The following OR52N2 variants were observed in gnomAD, a reference collection of about 807,000 sequenced individuals.
OR52N2 encodes the protein olfactory receptor 52N2.
For missense variants in OR52N2, 326 were observed against 196.6 expected (o/e 1.66, Z -3.94); for synonymous variants, 129 against 72.0 (o/e 1.79, Z -4.01).
chr11:5,816,256 T>C (rs915660809), intron 1 of OR52N2, among the ~76,000 whole-genome samples: 10 of 152,276 alleles, frequency 6.6e-5, no homozygotes, highest in Non-Finnish European at 1.3e-4. Flanking sequence ...AGAGTGGTGA[T>C]GGCTGCAAAA....
rs997217290 is a variant in OR52N2 at position 5,821,190 on chromosome 11, A to C, written c.855A>C (p.Leu285=). The C allele has an allele frequency of 1.2e-5, 9 of 781,036 alleles. No homozygotes were observed. The highest frequency in any genetic ancestry group is 1.9e-5 in the Non-Finnish European group (8 of 418,120). The allele number at this position is 781,036 out of a possible 1,614,324, so 48.4% of individuals were successfully genotyped here. ...IHIIVANLYL[L]LPPTMNPIVY... is the part of the protein sequence containing the mutation. ...TCATCGTGGCCAACCTTTATCTGCT[A>C]CTGCCTCCTACCATGAACCCAATTG... Residue 285 remains leucine, a synonymous_variant, in exon 2 of 2, where the codon CTA becomes CTC. Transcript: ENST00000317037.
At chr11:5,810,101 T>C (rs1390931148) in intron 1 of OR52N2, among the ~76,000 whole-genome samples, 1 of 152,194 alleles carries the variant, frequency 6.6e-6, no homozygotes, top group African/African-American at 2.4e-5. Flanking sequence ...ATGGGTGAGC[T>C]ATATGCTGAG....
chr11:5,810,954 T>A (rs529458378), intron 1 of OR52N2, among the ~76,000 whole-genome samples: 6 of 152,020 alleles, frequency 3.9e-5, no homozygotes, highest in Non-Finnish European at 8.8e-5. Flanking sequence ...AAAAGCTTTC[T>A]ACTTGGAGAT....
Position 5,808,963 on chromosome 11 carries a change from TGA to T in OR52N2, c.-142_-141del, listed in dbSNP as rs147490164. Among the ~76,000 whole-genome samples, 2,460 of 152,138 alleles carry T rather than the reference TGA, an allele frequency of 0.016. 58 individuals are homozygous for T. Among genetic ancestry groups the T allele is most frequent in the African/African-American group, 0.055 (2,276 of 41,508 alleles). ...TGCAAGCCTCTCCTCCTCGCGTTGC[TGA>T]GAGTCCGAGTTTATTCATCACAATG... On this transcript the variant is annotated 5_prime_UTR_variant, in exon 1 of 2. Coordinates refer to ENST00000317037, the MANE Select transcript of OR52N2 (RefSeq NM_001005174.3).
intron 1 of OR52N2, among the ~76,000 whole-genome samples, chr11:5,819,789 T>G (rs914770429): frequency 6.6e-6 from 1 of 152,196 alleles, no homozygotes; most frequent in Non-Finnish European, 1.5e-5. Context: ...AAGCATTTTT[T>G]GTTATCAAGG....
intron 1 of OR52N2, among the ~76,000 whole-genome samples, chr11:5,814,844 A>G (rs1344872813): frequency 6.6e-6 from 1 of 152,208 alleles, no homozygotes; most frequent in Non-Finnish European, 1.5e-5. Context: ...CAGTAAACCA[A>G]AACAGTGTGG....
Position 5,820,849 on chromosome 11 carries a change from C to T in OR52N2, c.514C>T (p.Arg172Trp), listed in dbSNP as rs776697248. 33 of 780,678 alleles carry T rather than the reference C, an allele frequency of 4.2e-5. No individual in the cohort carries two copies. Among genetic ancestry groups the T allele is most frequent in the Non-Finnish European group, 6.0e-5 (25 of 418,076 alleles). The allele number at this position is 780,678 out of a possible 1,614,324, so 48.4% of individuals were successfully genotyped here. A position where few individuals can be genotyped will look rare whatever the true frequency, so the allele number is the denominator to read the frequency against. The change falls in exon 2 of 2, where the codon CGG becomes TGG. Residue 172 changes from arginine (R) to tryptophan (W), a missense_variant. Coordinates refer to ENST00000317037, the MANE Select transcript of OR52N2 (RefSeq NM_001005174.3). ...CCTCACCAAGCGCCTGCCCTATTGC[C>T]GGGGGAACTTCATCCCCCACACCTA... Reference protein sequence around the residue: ...TLLTKRLPYCRGNFIPHTYCD... With the variant: ...TLLTKRLPYCWGNFIPHTYCD...
chr11:5,818,947 G>A (rs1846425343), intron 1 of OR52N2, among the ~76,000 whole-genome samples: 1 of 152,132 alleles, frequency 6.6e-6, no homozygotes, highest in South Asian at 2.1e-4. Flanking sequence ...CAGAGATCAC[G>A]AGCTTCTGAA....
intron 1 of OR52N2, among the ~76,000 whole-genome samples, chr11:5,810,507 A>C (rs1263154029): frequency 1.6e-5 from 1 of 60,958 alleles, no homozygotes; most frequent in Admixed American, 1.9e-4. Context: ...AAAAACGCAA[A>C]GGAATGTGTT....
intron 1 of OR52N2, among the ~76,000 whole-genome samples, chr11:5,812,557 T>C (rs1218678662): frequency 1.3e-5 from 2 of 150,802 alleles, no homozygotes; most frequent in Non-Finnish European, 3.0e-5. Flanking sequence ...AAGGTAATTA[T>C]ATATTGATAC....
chr11:5,816,315 T>C (rs1846404193), intron 1 of OR52N2, among the ~76,000 whole-genome samples: 3 of 152,158 alleles, frequency 2.0e-5, no homozygotes, highest in Admixed American at 6.5e-5. Context: ...CTGAACATGA[T>C]TAAGATGGCA....
intron 1 of OR52N2, among the ~76,000 whole-genome samples, chr11:5,813,580 C>A (rs1276900051): frequency 2.6e-5 from 4 of 152,156 alleles, no homozygotes; most frequent in African/African-American, 9.6e-5. Context: ...GGAGGCTTCA[C>A]TGCTGAATTC....
chr11:5,810,801 T>A (rs985935301), intron 1 of OR52N2, among the ~76,000 whole-genome samples: 1 of 152,134 alleles, frequency 6.6e-6, no homozygotes, highest in Non-Finnish European at 1.5e-5. Flanking sequence ...ATATGTTACC[T>A]TTTTGTTGTT....
chr11:5,815,031 A>C (rs751368044), intron 1 of OR52N2, among the ~76,000 whole-genome samples: 10 of 152,196 alleles, frequency 6.6e-5, no homozygotes, highest in Non-Finnish European at 1.5e-4. Context: ...TACAGAAATG[A>C]AGTTGGACTG....
In OR52N2 at chr11:5,820,340, C is replaced by T. The variant is rs1489319973; in HGVS notation, c.5C>T (p.Ser2Phe). The T allele has an allele frequency of 2.6e-6, 2 of 780,402 alleles. No homozygotes were observed. The highest frequency in any genetic ancestry group is 1.7e-5 in the Admixed American group (1 of 58,970). 48.3% of individuals were successfully genotyped at this position (780,402 alleles called of 1,614,324 possible). Residue 2 changes from serine (S) to phenylalanine (F), a missense_variant, in exon 2 of 2, where the codon TCT (serine) becomes TTT (phenylalanine). Ser to Phe is a radical substitution (Grantham distance 155, BLOSUM62 -2). Coordinates refer to ENST00000317037, the MANE Select transcript of OR52N2 (RefSeq NM_001005174.3). M[S>F]GDNSSSLTPG... Reference sequence around the variant, plus strand: ...GCTCTCCTCCTGTCAGCCATCATGTCTGGGGACAACAGCTCCAGCCTGACC... The same window carrying T: ...GCTCTCCTCCTGTCAGCCATCATGTTTGGGGACAACAGCTCCAGCCTGACC...
intron 1 of OR52N2, among the ~76,000 whole-genome samples, chr11:5,813,079 A>G (rs1011112952): frequency 2.0e-5 from 3 of 151,952 alleles, no homozygotes; most frequent in African/African-American, 7.2e-5. Context: ...TTCTACAAGG[A>G]AAGTTCATAG....
chr11:5,812,542 G>A (rs907410865), intron 1 of OR52N2, among the ~76,000 whole-genome samples: 5 of 147,968 alleles, frequency 3.4e-5, no homozygotes, highest in Non-Finnish European at 3.0e-5. Context: ...ATTTAAAATA[G>A]TGTAAAGGTA....
intron 1 of OR52N2, among the ~76,000 whole-genome samples, chr11:5,812,900 A>G (rs1846375102): frequency 6.6e-6 from 1 of 152,062 alleles, no homozygotes; most frequent in Non-Finnish European, 1.5e-5. Flanking sequence ...ATATAAAACT[A>G]GAAGCCAATA....
At chr11:5,818,634 T>TG (rs1011699112) in intron 1 of OR52N2, among the ~76,000 whole-genome samples, 1 of 151,256 alleles carries the variant, frequency 6.6e-6, no homozygotes, top group Non-Finnish European at 1.5e-5. Context: ...CTGAAACAGT[T>TG]TTAAAAAGTA....
Sources: allele counts gnomAD v4.1 joint callset (sites outside exome capture counted in the v4.1 genomes callset), GRCh38; gene constraint gnomAD v4.1.1; transcripts MANE v1.5; gene names NCBI Gene and HGNC (gene_info 2026-07-23, HGNC 2026-07-21).